ANKS1B: variants seen among roughly 807,000 people sequenced by gnomAD.
The protein encoded by ANKS1B is ankyrin repeat and sterile alpha motif domain-containing protein 1B.
A neutral mutation model predicts 148.3 loss-of-function variants in ANKS1B; 36 were observed. The ratio of observed to expected loss-of-function variants is 0.24; its 90% CI spans 0.19 to 0.32. The LOEUF is 0.32. ANKS1B is among the 10% of genes least tolerant of loss of function. ANKS1B has a pLI of 1.00. For missense variants in ANKS1B, 1,157 were observed against 1,542.6 expected, an observed-to-expected ratio of 0.75 and a Z score of 4.19; for synonymous variants, 542 against 560.8, an observed-to-expected ratio of 0.97 and a Z score of 0.47.
chr12:99,859,659 T>A (rs377719698), intron 1 of ANKS1B, among the ~76,000 whole-genome samples: 1 of 152,002 alleles, frequency 6.6e-6, no homozygotes, highest in Non-Finnish European at 1.5e-5. Flanking sequence ...TTTTGTTTTT[T>A]TTTTTGAGAC....
chr12:98,886,975 A>G (rs919945032), intron 17 of ANKS1B, among the ~76,000 whole-genome samples: 1 of 152,242 alleles, frequency 6.6e-6, no homozygotes, highest in Non-Finnish European at 1.5e-5. Context: ...GCAGTTGGCA[A>G]TGAAATCTAG....
intron 8 of ANKS1B, among the ~76,000 whole-genome samples, chr12:99,752,153 T>C (rs527378648): frequency 2.5e-4 from 38 of 152,188 alleles, no homozygotes; most frequent in South Asian, 1.2e-3. Context: ...TCACCTCATA[T>C]TCAAACAGGA....
intron 12 of ANKS1B, among the ~76,000 whole-genome samples, chr12:99,269,458 C>T (rs991993188): frequency 9.9e-5 from 15 of 151,862 alleles, no homozygotes; most frequent in Non-Finnish European, 5.9e-5. Context: ...TTGCATTAAA[C>T]AGACCCTCAG....
At chr12:99,003,431 C>A (rs1019613566) in intron 17 of ANKS1B, among the ~76,000 whole-genome samples, 3 of 152,110 alleles carry the variant, frequency 2.0e-5, no homozygotes, top group Admixed American at 2.0e-4. Context: ...AGTGTGGATA[C>A]TTCCACAATA....
At chr12:99,777,644 G>T (rs1035604042) in intron 6 of ANKS1B, among the ~76,000 whole-genome samples, 1 of 152,074 alleles carries the variant, frequency 6.6e-6, no homozygotes, top group Admixed American at 6.5e-5. Flanking sequence ...GAGTGCAGTG[G>T]CGCGATCTCG....
chr12:98,965,989 C>T (rs1382949681), intron 17 of ANKS1B, among the ~76,000 whole-genome samples: 1 of 152,124 alleles, frequency 6.6e-6, no homozygotes, highest in East Asian at 1.9e-4. Flanking sequence ...CAGGCATGGG[C>T]AAGGACTTCA....
At chr12:99,444,284 C>T (rs750027604) in intron 10 of ANKS1B, among the ~76,000 whole-genome samples, 1 of 151,790 alleles carries the variant, frequency 6.6e-6, no homozygotes, top group Non-Finnish European at 1.5e-5. Flanking sequence ...CTAGAAATCC[C>T]ACAAACTATA....
intron 8 of ANKS1B, among the ~76,000 whole-genome samples, chr12:99,727,775 C>G (rs890143840): frequency 6.6e-6 from 1 of 152,168 alleles, no homozygotes; most frequent in African/African-American, 2.4e-5. Flanking sequence ...CAGCATGGTA[C>G]TGGTACCAAA....
intron 16 of ANKS1B, among the ~76,000 whole-genome samples, chr12:99,062,934 T>C (rs2153564097): frequency 2.0e-5 from 3 of 152,262 alleles, no homozygotes; most frequent in Middle Eastern, 6.8e-3. Flanking sequence ...GTTAAAACAG[T>C]GCGAGTGTTT....
At chr12:99,921,253 T>A (rs1289032872) in intron 1 of ANKS1B, among the ~76,000 whole-genome samples, 1 of 152,084 alleles carries the variant, frequency 6.6e-6, no homozygotes, top group East Asian at 1.9e-4. Context: ...GTGAGTGAGT[T>A]CTCATGAGAT....
At chr12:99,047,718 C>T (rs754134307) in intron 17 of ANKS1B, among the ~76,000 whole-genome samples, 2 of 152,142 alleles carry the variant, frequency 1.3e-5, no homozygotes, top group Non-Finnish European at 2.9e-5. Flanking sequence ...CTATACCCAG[C>T]AAAACTATGT....
chr12:99,756,683 G>C (rs1024353472), intron 8 of ANKS1B, among the ~76,000 whole-genome samples: 13 of 151,750 alleles, frequency 8.6e-5, no homozygotes, highest in African/African-American at 2.9e-4. Flanking sequence ...ACTATACTAT[G>C]GGGCTACAGC....
At chr12:99,470,895 A>G (rs941740258) in intron 10 of ANKS1B, among the ~76,000 whole-genome samples, 2 of 152,116 alleles carry the variant, frequency 1.3e-5, no homozygotes, top group East Asian at 1.9e-4. Context: ...ATCTTACTAT[A>G]TTATTACCAT....
chr12:99,840,573 G>A (rs981822964), intron 1 of ANKS1B, among the ~76,000 whole-genome samples: 1 of 151,924 alleles, frequency 6.6e-6, no homozygotes, highest in African/African-American at 2.4e-5. Flanking sequence ...CATGTAGAGG[G>A]AAAAAATGCT....
chr12:99,558,518 G>A (rs934944661), intron 9 of ANKS1B, among the ~76,000 whole-genome samples: 2 of 152,196 alleles, frequency 1.3e-5, no homozygotes, highest in African/African-American at 4.8e-5. Flanking sequence ...CAGTGGGGAG[G>A]CTGTAGTGGG....
intron 8 of ANKS1B, among the ~76,000 whole-genome samples, chr12:99,718,357 C>T (rs1018449189): frequency 2.0e-5 from 3 of 152,020 alleles, no homozygotes; most frequent in African/African-American, 4.8e-5. Context: ...GCCTCCTTTG[C>T]GTCCTCCTCT....
At chr12:99,742,060 A>T (rs181662681) in intron 8 of ANKS1B, among the ~76,000 whole-genome samples, 2 of 152,088 alleles carry the variant, frequency 1.3e-5, no homozygotes, top group African/African-American at 4.8e-5. Flanking sequence ...ATGAGAACAC[A>T]TGGACACATA....
intron 9 of ANKS1B, among the ~76,000 whole-genome samples, chr12:99,573,483 A>G (rs1435239365): frequency 6.6e-6 from 1 of 152,102 alleles, no homozygotes; most frequent in East Asian, 1.9e-4. Flanking sequence ...TTTAGAATTT[A>G]TAGTGATACT....
At chr12:99,908,796 C>T (rs182616958) in intron 1 of ANKS1B, among the ~76,000 whole-genome samples, 1 of 152,244 alleles carries the variant, frequency 6.6e-6, no homozygotes, top group Non-Finnish European at 1.5e-5. Context: ...ATAGTGAAAT[C>T]ATTATCACAG....
Sources: allele counts gnomAD v4.1 joint callset (sites outside exome capture counted in the v4.1 genomes callset), GRCh38; gene constraint gnomAD v4.1.1; transcripts MANE v1.5; gene names NCBI Gene and HGNC (gene_info 2026-07-23, HGNC 2026-07-21).